The following PDCL variants were observed in gnomAD, a reference collection of about 807,000 sequenced individuals.
PDCL encodes the protein phosducin like, also known as phosducin-like protein.
In PDCL, 11 loss-of-function variants were observed where a neutral mutation model predicts 26.7. That is an observed-to-expected ratio of 0.41 (90% CI 0.26 to 0.68). The LOEUF (loss-of-function observed/expected upper bound fraction) is 0.68. PDCL is among the 30% of genes least tolerant of loss of function. The probability of loss-of-function intolerance (pLI) is 0.30; values close to 1 mark genes in which losing one functional copy is unlikely to be tolerated. For synonymous variants in PDCL, 118 were observed against 134.9 expected (o/e 0.87, Z 0.87); for missense variants, 330 against 371.6 (o/e 0.89, Z 0.92).
At chr9:122,826,584 G>A (rs1829631280) in intron 2 of PDCL, 32 bp downstream of exon 2, 1 of 1,578,260 alleles carries the variant, frequency 6.3e-7, no homozygotes, top group Non-Finnish European at 8.6e-7. Flanking sequence ...CATTTTTTAA[G>A]CCTGTTCCCA....
Position 122,826,604 on chromosome 9 carries a change from G to A in PDCL, c.172+12C>T, listed in dbSNP as rs1476818693. ...TTTAAGCCTGTTCCCAGAGCCCAGG[G>A]TTTCTCAGTACCTGTGTTAACTGAG... is the stretch of plus-strand genomic sequence containing the variant. On this transcript the variant is annotated intron_variant, in intron 2 of 3. Coordinates refer to ENST00000259467, the MANE Select transcript of PDCL (RefSeq NM_005388.5). The A allele has an allele frequency of 1.2e-5, 19 of 1,610,090 alleles. No individual in the cohort carries two copies. The highest frequency in any genetic ancestry group is 1.6e-5 in the Non-Finnish European group (19 of 1,177,918).
At position 122,820,362 on chromosome 9, in the gene PDCL, G is replaced by A; in HGVS notation, c.629C>T (p.Pro210Leu). The change falls in exon 4 of 4, where the codon CCA (proline) becomes CTA (leucine). Residue 210 changes from proline to leucine, a missense_variant. Transcript: ENST00000259467. ...GCMICLAAEY[P>L]AVKFCKVKSS... ...CTTCACCTTGCAGAACTTGACAGCT[G>A]GGTACTCTGCGGCAAGGCAGATCAT... The A allele has an allele frequency of 6.2e-7, 1 of 1,614,174 alleles. No individual in the cohort carries two copies. The highest frequency in any genetic ancestry group is 8.5e-7 in the Non-Finnish European group (1 of 1,180,036).
chr9:122,820,689 A>C, intron 3 of PDCL, 53 bp from the exon 4 acceptor site: 1 of 1,488,122 alleles, frequency 6.7e-7, no homozygotes, highest in Non-Finnish European at 9.1e-7. Context: ...CACTCGTGAT[A>C]ACAGTTAATA....
At chr9:122,826,890 T>C in intron 1 of PDCL, 98 bp from the exon 2 acceptor site, 1 of 1,074,226 alleles carries the variant, frequency 9.3e-7, no homozygotes, top group East Asian at 2.4e-5. Flanking sequence ...TCCTACAATT[T>C]CCAGGACACT....
rs1258634624 is a variant in PDCL at position 122,818,769 on chromosome 9, TATAA to T, written c.*1312_*1315del. On this transcript the variant is annotated 3_prime_UTR_variant, in exon 4 of 4. Coordinates refer to ENST00000259467, the MANE Select transcript of PDCL (RefSeq NM_005388.5). Reference sequence around the variant, plus strand: ...GGAAAAAAACGCAAATGATAATTATTATAAATACATAGAAAAAAAGGCTATAAAA... The same window carrying T: ...GGAAAAAAACGCAAATGATAATTATTATACATAGAAAAAAAGGCTATAAAA... 6.6e-6 allele frequency: 1 copy of T among 151,996 alleles called. No homozygotes were observed. Among genetic ancestry groups the T allele is most frequent in the African/African-American group, 2.4e-5 (1 of 41,416 alleles). 9.4% of individuals were successfully genotyped at this position (151,996 alleles called of 1,614,324 possible).
chr9:122,822,936 C>G, intron 3 of PDCL, 80 bp downstream of exon 3: 1 of 1,273,188 alleles, frequency 7.9e-7, no homozygotes, highest in Non-Finnish European at 1.1e-6. Flanking sequence ...TCAAATCAAG[C>G]ATCCTCCACC....
chr9:122,819,874 C>A lies in PDCL; in HGVS notation c.*211G>T. The A allele has an allele frequency of 2.2e-6, 1 of 453,264 alleles. No individual in the cohort carries two copies. Among genetic ancestry groups the A allele is most frequent in the Non-Finnish European group, 3.9e-6 (1 of 258,508 alleles). The allele number at this position is 453,264 out of a possible 1,614,324, so 28.1% of individuals were successfully genotyped here. ...AATCTTAAGTAAACAGTTCAAAAGC[C>A]TGGCTTCCTGTTTATACAACTGTAA... is the stretch of plus-strand genomic sequence containing the variant. On this transcript the variant is annotated 3_prime_UTR_variant, in exon 4 of 4. Transcript: ENST00000259467.
At chr9:122,826,840 G>A in intron 1 of PDCL, 48 bp from the exon 2 acceptor site, 1 of 1,577,680 alleles carries the variant, frequency 6.3e-7, no homozygotes, top group African/African-American at 1.3e-5. Flanking sequence ...GAGCCAGACA[G>A]ACATGAATCT....
intron 1 of PDCL, among the ~76,000 whole-genome samples, chr9:122,827,368 C>A (rs529941279): frequency 6.6e-6 from 1 of 152,274 alleles, no homozygotes; most frequent in South Asian, 2.1e-4. Flanking sequence ...GAAACGCTAC[C>A]TATTCTGACA....
In PDCL at chr9:122,820,525, GC is replaced by G. The variant is rs1347726498; in HGVS notation, c.465del (p.Gln157AsnfsTer15). On this transcript the variant is annotated frameshift_variant, in exon 4 of 4. Transcript: ENST00000259467. LOFTEE classifies it high-confidence loss of function. ...ATCTCAAAAACCTGCTTGAATTGGG[GC>G]CCCTTGTGAAGCTGCTGCCGCATCT... ...MEEMRQQLHK[G>X]PQFKQVFEIS... is the part of the protein sequence containing the mutation. 6.2e-7 allele frequency: 1 copy of G among 1,613,998 alleles called. No homozygotes were observed. The highest frequency in any genetic ancestry group is 1.1e-5 in the South Asian group (1 of 91,084).
At chr9:122,824,017 G>A (rs926359108) in intron 2 of PDCL, among the ~76,000 whole-genome samples, 2 of 152,104 alleles carry the variant, frequency 1.3e-5, no homozygotes, top group African/African-American at 2.4e-5. Context: ...TGATCCGCCC[G>A]CCTCGGCCTC....
At chr9:122,823,337 T>C (rs933325013) in intron 2 of PDCL, 140 bp from the exon 3 acceptor site, 3 of 812,314 alleles carry the variant, frequency 3.7e-6, no homozygotes, top group Non-Finnish European at 4.0e-6. Context: ...CTGTGTACTC[T>C]GCCACAGGGC....
chr9:122,818,779 T>C lies in PDCL; in HGVS notation c.*1306A>G, dbSNP rs935659956. 2.6e-5 allele frequency: 4 copies of C among 151,790 alleles called. No homozygotes were observed. Among genetic ancestry groups the C allele is most frequent in the East Asian group, 1.9e-4 (1 of 5,192 alleles). 9.4% of individuals were successfully genotyped at this position (151,790 alleles called of 1,614,324 possible). ...GCAAATGATAATTATTATAAATACATAGAAAAAAAGGCTATAAAAATGACT... is the reference window on the plus strand; with the variant it reads ...GCAAATGATAATTATTATAAATACACAGAAAAAAAGGCTATAAAAATGACT... On this transcript the variant is annotated 3_prime_UTR_variant, in exon 4 of 4. Coordinates refer to ENST00000259467, the MANE Select transcript of PDCL (RefSeq NM_005388.5).
In PDCL at chr9:122,819,280, A is replaced by G. The variant is rs1308182284; in HGVS notation, c.*805T>C. On this transcript the variant is annotated 3_prime_UTR_variant, in exon 4 of 4. Coordinates refer to ENST00000259467, the MANE Select transcript of PDCL (RefSeq NM_005388.5). ...GAATATGAATTACTTTTCCAATATG[A>G]AAAAAAAAAAAAGTTTTAAAAAAAA... is the stretch of plus-strand genomic sequence containing the variant. 1 of 143,544 alleles carries G rather than the reference A, an allele frequency of 7.0e-6. No individual in the cohort carries two copies. Among genetic ancestry groups the G allele is most frequent in the East Asian group, 2.2e-4 (1 of 4,528 alleles). The allele number at this position is 143,544 out of a possible 1,614,324, so 8.9% of individuals were successfully genotyped here. A position where few individuals can be genotyped will look rare whatever the true frequency, so the allele number is the denominator to read the frequency against.
intron 3 of PDCL, among the ~76,000 whole-genome samples, chr9:122,821,429 C>G (rs1189497520): frequency 3.3e-5 from 5 of 152,052 alleles, no homozygotes; most frequent in Admixed American, 6.6e-5. Context: ...CACACACACA[C>G]AGAGTCATAT....
chr9:122,823,529 A>T (rs1829581826), intron 2 of PDCL, among the ~76,000 whole-genome samples: 1 of 152,236 alleles, frequency 6.6e-6, no homozygotes, highest in African/African-American at 2.4e-5. Flanking sequence ...TTATTACAAA[A>T]GCAAAATTTA....
chr9:122,820,268 C>G lies in PDCL; in HGVS notation c.723G>C (p.Gly241=). 1 of 1,614,162 alleles carries G rather than the reference C, an allele frequency of 6.2e-7. No individual in the cohort carries two copies. Among genetic ancestry groups the G allele is most frequent in the South Asian group, 1.1e-5 (1 of 91,076 alleles). Residue 241 remains glycine (G), a synonymous_variant, in exon 4 of 4, where the codon GGG becomes GGC. Coordinates refer to ENST00000259467, the MANE Select transcript of PDCL (RefSeq NM_005388.5). ...GAACAAAATTGCCGATCAATTCACCCCCCTTATAGATCAGCAGGGCAGGAA... is the reference window on the plus strand; with the variant it reads ...GAACAAAATTGCCGATCAATTCACCGCCCTTATAGATCAGCAGGGCAGGAA... ...NALPALLIYK[G]GELIGNFVRV... is the part of the protein sequence containing the mutation.
Position 122,818,228 on chromosome 9 carries a change from A to G in PDCL, c.*1857T>C, listed in dbSNP as rs1829509328. On this transcript the variant is annotated 3_prime_UTR_variant, in exon 4 of 4. Coordinates refer to ENST00000259467, the MANE Select transcript of PDCL (RefSeq NM_005388.5). ...GGTTGCAGTGAGCCGAGATCACGCT[A>G]TTGTACTCCAGCCTGGGTGACAGAG... The G allele has an allele frequency of 6.6e-6, 1 of 152,244 alleles. No homozygotes were observed. The highest frequency in any genetic ancestry group is 6.5e-5 in the Admixed American group (1 of 15,286). The allele number at this position is 152,244 out of a possible 1,614,324, so 9.4% of individuals were successfully genotyped here.
At position 122,826,792 on chromosome 9, in the gene PDCL, T is replaced by C; in HGVS notation, c.-5A>G. The C allele has an allele frequency of 1.9e-6, 3 of 1,613,428 alleles. No individual in the cohort carries two copies. The highest frequency in any genetic ancestry group is 1.1e-5 in the South Asian group (1 of 90,970). Reference sequence around the variant, plus strand: ...CTTATCATCAAGGGTGGTCATGGTGTCTGGAAAAAGAAAGCATATCAGGTT... The same window carrying C: ...CTTATCATCAAGGGTGGTCATGGTGCCTGGAAAAAGAAAGCATATCAGGTT... On this transcript the variant is annotated splice_region_variant and 5_prime_UTR_variant, in exon 2 of 4. Coordinates refer to ENST00000259467, the MANE Select transcript of PDCL (RefSeq NM_005388.5).
Sources: allele counts gnomAD v4.1 joint callset (sites outside exome capture counted in the v4.1 genomes callset), GRCh38; gene constraint gnomAD v4.1.1; transcripts MANE v1.5; gene names NCBI Gene and HGNC (gene_info 2026-07-23, HGNC 2026-07-21).